The following ACTN4 variants were observed in gnomAD, a reference collection of about 807,000 sequenced individuals.
ACTN4 encodes the protein alpha-actinin-4.
ACTN4 carries 18 observed loss-of-function variants against 114.2 expected under a neutral mutation model. The observed-to-expected ratio is 0.16, with a 90% CI of 0.11 to 0.23. The LOEUF (loss-of-function observed/expected upper bound fraction) is 0.23, where lower values mean the gene tolerates loss of function less well. Ranked by LOEUF, ACTN4 falls within the 10% of genes least tolerant of loss-of-function variation. The probability of loss-of-function intolerance (pLI) is 1.00; values close to 1 mark genes in which losing one functional copy is unlikely to be tolerated. For synonymous variants in ACTN4, 515 were observed against 506.3 expected (o/e 1.02, Z -0.23); for missense variants, 722 against 1,262.9 (o/e 0.57, Z 6.49).
chr19:38,682,322 G>A (rs1967602591), intron 1 of ACTN4, among the ~76,000 whole-genome samples: 1 of 152,000 alleles, frequency 6.6e-6, no homozygotes, highest in Non-Finnish European at 1.5e-5. Context: ...TTACGGGTGT[G>A]AGCTACCATG....
chr19:38,696,605 T>C (rs1022115476), intron 1 of ACTN4, among the ~76,000 whole-genome samples: 5 of 152,234 alleles, frequency 3.3e-5, no homozygotes, highest in East Asian at 1.9e-4. Context: ...GTGGCCGTCA[T>C]GGTCGACCTG....
chr19:38,692,363 C>T (rs1400468697), intron 1 of ACTN4, among the ~76,000 whole-genome samples: 1 of 152,230 alleles, frequency 6.6e-6, no homozygotes, highest in Non-Finnish European at 1.5e-5. Flanking sequence ...GTTGCTGCAC[C>T]CATCTAATTT....
chr19:38,661,165 C>T (rs1218507642), intron 1 of ACTN4, among the ~76,000 whole-genome samples: 1 of 152,180 alleles, frequency 6.6e-6, no homozygotes, highest in Non-Finnish European at 1.5e-5. Flanking sequence ...CTTGCGCCTG[C>T]AAACTCAGTC....
rs1384806926 is a variant in ACTN4 at position 38,724,708 on chromosome 19, A to G, written c.2010+143A>G. The G allele has an allele frequency of 9.3e-6, 13 of 1,400,224 alleles. No individual in the cohort carries two copies. Among genetic ancestry groups the G allele is most frequent in the Non-Finnish European group, 1.2e-5 (12 of 1,017,220 alleles). 86.7% of individuals were successfully genotyped at this position (1,400,224 alleles called of 1,614,324 possible). A position where few individuals can be genotyped will look rare whatever the true frequency, so the allele number is the denominator to read the frequency against. The stretch of plus-strand genomic sequence containing the variant: ...TTCTCACCACCCAGGGGCCGTGATC[A>G]CCCTGCGGGGTTAGGAGAGTCCACA... On this transcript the variant is annotated intron_variant, in intron 16 of 20. Transcript: ENST00000252699. The surrounding 1 kb of genome is among the most constrained non-coding windows in gnomAD (Gnocchi z 7.0).
chr19:38,696,331 A>G (rs762794196), intron 1 of ACTN4, among the ~76,000 whole-genome samples: 2 of 152,014 alleles, frequency 1.3e-5, no homozygotes, highest in African/African-American at 4.8e-5. Context: ...GTACGGACCC[A>G]TGGTGGCCTG....
rs1002621300 is a variant in ACTN4 at position 38,717,025 on chromosome 19, G to T, written c.913-61G>T. 4.6e-6 allele frequency: 7 copies of T among 1,534,718 alleles called. No homozygotes were observed. Among genetic ancestry groups the T allele is most frequent in the South Asian group, 2.3e-5 (2 of 85,214 alleles). ...ATCCCATGTGCCCATAAGCTGGGGG[G>T]CAGCCCGTCAGCACTCTGAGGGTCC... is the stretch of plus-strand genomic sequence containing the variant. On this transcript the variant is annotated intron_variant, in intron 9 of 20. Coordinates refer to ENST00000252699, the MANE Select transcript of ACTN4 (RefSeq NM_004924.6). The surrounding 1 kb of genome is among the most constrained non-coding windows in gnomAD (Gnocchi z 4.0).
intron 1 of ACTN4, among the ~76,000 whole-genome samples, chr19:38,696,238 T>C (rs1019358167): frequency 2.6e-5 from 4 of 152,178 alleles, no homozygotes; most frequent in African/African-American, 9.7e-5. Flanking sequence ...TGAGAGTGTC[T>C]GCTTTTGCTC....
chr19:38,674,678 AAGAC>A lies in ACTN4; in HGVS notation c.163-25918_163-25915del, dbSNP rs1363434629. ...TTGCCCCAGGCCCCTCAGTCAGTAA[AAGAC>A]AGAACTGAGAATCCAACCAGACTCT... On this transcript the variant is annotated intron_variant, in intron 1 of 20. Coordinates refer to ENST00000252699, the MANE Select transcript of ACTN4 (RefSeq NM_004924.6). Among the ~76,000 whole-genome samples, 3 of 152,252 alleles carry A rather than the reference AAGAC, an allele frequency of 2.0e-5. No homozygotes were observed. In the East Asian group the frequency reaches 5.8e-4, roughly 29 times the overall value.
At chr19:38,726,813 C>T in intron 17 of ACTN4, 144 bp from the exon 18 acceptor site, 3 of 1,263,532 alleles carry the variant, frequency 2.4e-6, no homozygotes, top group South Asian at 2.8e-5. Context: ...AGGGAGGCAC[C>T]ATGGCCCGTG....
At position 38,717,808 on chromosome 19, in the gene ACTN4, A is replaced by G. The variant is rs1568737408; in HGVS notation, c.1144-119A>G. The G allele has an allele frequency of 3.7e-6, 5 of 1,364,462 alleles. No individual in the cohort carries two copies. The highest frequency in any genetic ancestry group is 5.0e-5 in the East Asian group (2 of 39,822). The allele number at this position is 1,364,462 out of a possible 1,614,324, so 84.5% of individuals were successfully genotyped here. A position where few individuals can be genotyped will look rare whatever the true frequency, so the allele number is the denominator to read the frequency against. On this transcript the variant is annotated intron_variant, in intron 10 of 20. Coordinates refer to ENST00000252699, the MANE Select transcript of ACTN4 (RefSeq NM_004924.6). The surrounding 1 kb of genome is among the most constrained non-coding windows in gnomAD (Gnocchi z 4.0). ...AGGCATCCAGGTATAATAGCAAAGC[A>G]TGACACAGACATGACCCCAGCCAAG...
chr19:38,728,921 A>G, intron 19 of ACTN4, 75 bp from the exon 20 acceptor site: 1 of 1,579,928 alleles, frequency 6.3e-7, no homozygotes, highest in South Asian at 1.1e-5. Context: ...TTCCCTGGAG[A>G]CCCCACCAGT....
chr19:38,726,287 CAAA>C (rs971240285), intron 17 of ACTN4, among the ~76,000 whole-genome samples: 7 of 60,982 alleles, frequency 1.1e-4, no homozygotes, highest in South Asian at 5.6e-4. Flanking sequence ...GACTCTGTCT[CAAA>C]AAAAAAAAAA....
At chr19:38,709,539 G>A in intron 7 of ACTN4, 63 bp downstream of exon 7, 4 of 1,474,326 alleles carry the variant, frequency 2.7e-6, no homozygotes, top group Non-Finnish European at 3.8e-6. Context: ...GTCCAGGGCT[G>A]GCCTCGGGCA....
At chr19:38,692,176 T>G (rs1967952162) in intron 1 of ACTN4, among the ~76,000 whole-genome samples, 1 of 152,218 alleles carries the variant, frequency 6.6e-6, no homozygotes, top group Non-Finnish European at 1.5e-5. Flanking sequence ...TAAGACGCAT[T>G]CCATATTTCA....
At chr19:38,697,558 A>G (rs1968135051) in intron 1 of ACTN4, among the ~76,000 whole-genome samples, 1 of 152,248 alleles carries the variant, frequency 6.6e-6, no homozygotes, top group Non-Finnish European at 1.5e-5. Flanking sequence ...TGGAATGAGT[A>G]AGCCAAGGGG....
In ACTN4 at chr19:38,729,390, C is replaced by T. The variant is rs1422522483; in HGVS notation, c.2694C>T (p.Tyr898=). The change falls in exon 21 of 21, where the codon TAC becomes TAT. Residue 898 remains tyrosine (Y), a synonymous_variant. Transcript: ENST00000252699. ...ACGCCGTGCCCGGTGCCCTCGACTA[C>T]AAGTCCTTCTCCACGGCCTTGTATG... ...GPDAVPGALD[Y]KSFSTALYGE... is the part of the protein sequence containing the mutation. 1.9e-6 allele frequency: 3 copies of T among 1,612,776 alleles called. No homozygotes were observed. The African/African-American group carries it at 4.0e-5, about 22-fold the overall frequency.
At position 38,717,674 on chromosome 19, in the gene ACTN4, C is replaced by T. The variant is rs1040063733; in HGVS notation, c.1144-253C>T. ...GGGCAGTGCGCCCTGGACGGTACCA[C>T]CTCCCCATCTATGGTATTCATCCAT... is the stretch of plus-strand genomic sequence containing the variant. On this transcript the variant is annotated intron_variant, in intron 10 of 20. Coordinates refer to ENST00000252699, the MANE Select transcript of ACTN4 (RefSeq NM_004924.6). The surrounding 1 kb of genome is among the most constrained non-coding windows in gnomAD (Gnocchi z 4.0). Among the ~76,000 whole-genome samples the T allele has an allele frequency of 2.0e-5, 3 of 152,228 alleles. No individual in the cohort carries two copies. The highest frequency in any genetic ancestry group is 4.4e-5 in the Non-Finnish European group (3 of 68,042).
chr19:38,724,395 T>C lies in ACTN4; in HGVS notation c.1876-36T>C, dbSNP rs767641356. On this transcript the variant is annotated intron_variant, in intron 15 of 20. Coordinates refer to ENST00000252699, the MANE Select transcript of ACTN4 (RefSeq NM_004924.6). The surrounding 1 kb of genome is among the most constrained non-coding windows in gnomAD (Gnocchi z 7.0). ...CAGGACGGCGGGGCTGGGGGCCACC[T>C]CCCTGACCGCTCCCACACCGCGTCT... 2.5e-6 allele frequency: 4 copies of C among 1,611,708 alleles called. No individual in the cohort carries two copies. The highest frequency in any genetic ancestry group is 1.1e-5 in the South Asian group (1 of 90,988).
chr19:38,652,685 G>T (rs572632543), intron 1 of ACTN4, among the ~76,000 whole-genome samples: 73 of 152,230 alleles, frequency 4.8e-4, no homozygotes, highest in African/African-American at 1.1e-3. Flanking sequence ...GCTGCCTTGT[G>T]GGGGGGAAAG....
Sources: gnomAD v4.1 joint callset for allele counts (sites outside exome capture counted in the v4.1 genomes callset) on GRCh38, gnomAD v4.1.1 for gene constraint, Gnocchi (gnomAD v3.1) non-coding constraint, MANE v1.5 for transcripts, NCBI Gene and HGNC (gene_info 2026-07-23, HGNC 2026-07-21) for gene names.